The following PAWR variants were observed in gnomAD, a reference collection of about 807,000 sequenced individuals.
The protein encoded by PAWR is PRKC apoptosis WT1 regulator protein.
PAWR carries 23 observed loss-of-function variants against 32.0 expected under a neutral mutation model. That is an observed-to-expected ratio of 0.72 (90% confidence interval 0.52 to 1.02). The LOEUF (loss-of-function observed/expected upper bound fraction) is 1.02, where lower values mean the gene tolerates loss of function less well. Ranked by LOEUF, PAWR falls within the 50% of genes least tolerant of loss-of-function variation. The probability of loss-of-function intolerance (pLI) is 0.00; values close to 1 mark genes in which losing one functional copy is unlikely to be tolerated. For synonymous variants in PAWR, 226 were observed against 187.1 expected (o/e 1.21, Z -1.70); for missense variants, 457 against 437.7 (o/e 1.04, Z -0.39).
chr12:79,690,047 G>A lies in PAWR; in HGVS notation c.198C>T (p.Ala66=). 7.4e-7 allele frequency: 1 copy of A among 1,357,528 alleles called. No individual in the cohort carries two copies. Among genetic ancestry groups the A allele is most frequent in the South Asian group, 1.8e-5 (1 of 54,628 alleles). 84.1% of individuals were successfully genotyped at this position (1,357,528 alleles called of 1,614,324 possible). A position where few individuals can be genotyped will look rare whatever the true frequency, so the allele number is the denominator to read the frequency against. Residue 66 remains alanine, a synonymous_variant, in exon 2 of 7, where the codon GCC becomes GCT. Coordinates refer to ENST00000328827, the MANE Select transcript of PAWR (RefSeq NM_002583.4). ...CCGGGAGGTTGTTGTTGAGCTCGTTGGCAGCGGCGGCCGCCGGGGTGCCCA... is the reference window on the plus strand; with the variant it reads ...CCGGGAGGTTGTTGTTGAGCTCGTTAGCAGCGGCGGCCGCCGGGGTGCCCA... ...GALGTPAAAA[A]NELNNNLPGG... is the part of the protein sequence containing the mutation.
chr12:79,646,142 T>C (rs1031269832), intron 2 of PAWR, among the ~76,000 whole-genome samples: 1 of 152,106 alleles, frequency 6.6e-6, no homozygotes, highest in African/African-American at 2.4e-5. Flanking sequence ...TCCAAAATCT[T>C]AAATGCTTCA....
At chr12:79,666,366 T>C (rs1199365343) in intron 2 of PAWR, among the ~76,000 whole-genome samples, 2 of 152,156 alleles carry the variant, frequency 1.3e-5, no homozygotes, top group Non-Finnish European at 2.9e-5. Context: ...TTCCAGGTAA[T>C]AAATTACAAA....
intron 2 of PAWR, among the ~76,000 whole-genome samples, chr12:79,670,407 A>G (rs1877833362): frequency 6.6e-6 from 1 of 152,164 alleles, no homozygotes; most frequent in South Asian, 2.1e-4. Context: ...AGAGCAATAT[A>G]CTTTACCAGG....
intron 4 of PAWR, among the ~76,000 whole-genome samples, chr12:79,609,003 A>C (rs1874319496): frequency 6.6e-6 from 1 of 152,136 alleles, no homozygotes; most frequent in African/African-American, 2.4e-5. Context: ...CAGGAGGTAA[A>C]GGATACAATG....
intron 2 of PAWR, among the ~76,000 whole-genome samples, chr12:79,651,124 G>A (rs1285509629): frequency 6.6e-6 from 1 of 152,182 alleles, no homozygotes; most frequent in African/African-American, 2.4e-5. Flanking sequence ...GGGTGCTGGA[G>A]TAAATGGCCT....
chr12:79,676,733 C>T (rs1035203822), intron 2 of PAWR, among the ~76,000 whole-genome samples: 2 of 151,752 alleles, frequency 1.3e-5, no homozygotes, highest in African/African-American at 4.8e-5. Flanking sequence ...GTTTCACTTA[C>T]TATTTCCTAA....
At chr12:79,623,828 T>C (rs968773927) in intron 2 of PAWR, among the ~76,000 whole-genome samples, 2 of 152,126 alleles carry the variant, frequency 1.3e-5, no homozygotes, top group South Asian at 2.1e-4. Context: ...AAAAGAGGTA[T>C]GACCAAACAC....
intron 2 of PAWR, among the ~76,000 whole-genome samples, chr12:79,645,036 C>CCA (rs60664351): frequency 0.065 from 7,785 of 119,876 alleles, 228 homozygotes; most frequent in South Asian, 0.072. Context: ...TCCACCCCCA[C>CCA]CACACACACA....
chr12:79,659,273 G>A (rs945021504), intron 2 of PAWR, among the ~76,000 whole-genome samples: 11 of 151,342 alleles, frequency 7.3e-5, no homozygotes, highest in Admixed American at 6.6e-4. Context: ...CAGCCTGGGC[G>A]ACAGAGTGAG....
chr12:79,594,192 A>G, intron 6 of PAWR, 137 bp downstream of exon 6: 1 of 531,444 alleles, frequency 1.9e-6, no homozygotes, highest in South Asian at 2.7e-5. Flanking sequence ...GAAGAAAATG[A>G]TACCTCTTAC....
intron 2 of PAWR, among the ~76,000 whole-genome samples, chr12:79,638,301 T>C (rs1876065303): frequency 6.6e-6 from 1 of 152,170 alleles, no homozygotes; most frequent in African/African-American, 2.4e-5. Context: ...CTTTATATAT[T>C]TATGTATCTT....
chr12:79,649,418 A>G (rs547062220), intron 2 of PAWR, among the ~76,000 whole-genome samples: 137 of 152,222 alleles, frequency 9.0e-4, no homozygotes, highest in African/African-American at 3.1e-3. Flanking sequence ...TATATATAAC[A>G]TACAATACAT....
At chr12:79,617,195 TACA>T (rs1874780355) in intron 3 of PAWR, among the ~76,000 whole-genome samples, 2 of 152,024 alleles carry the variant, frequency 1.3e-5, no homozygotes, top group South Asian at 4.2e-4. Flanking sequence ...CTACTAAAAA[TACA>T]ACAATTAGCT....
At chr12:79,637,541 T>TAAAAAAA (rs112508716) in intron 2 of PAWR, among the ~76,000 whole-genome samples, 1 of 132,858 alleles carries the variant, frequency 7.5e-6, no homozygotes, top group Non-Finnish European at 1.6e-5. Flanking sequence ...CATTGAACAT[T>TAAAAAAA]AAAAAAAAAA....
At chr12:79,621,503 G>A (rs1482614544) in intron 2 of PAWR, among the ~76,000 whole-genome samples, 1 of 151,978 alleles carries the variant, frequency 6.6e-6, no homozygotes, top group Non-Finnish European at 1.5e-5. Context: ...CATTCAATAA[G>A]TAAACTACGT....
At chr12:79,631,583 C>A (rs940167643) in intron 2 of PAWR, among the ~76,000 whole-genome samples, 1 of 152,010 alleles carries the variant, frequency 6.6e-6, no homozygotes, top group African/African-American at 2.4e-5. Context: ...ACAAAAAACA[C>A]ACTATACCCT....
In PAWR at chr12:79,621,105, G is replaced by C. The variant is rs1431929582; in HGVS notation, c.619C>G (p.Leu207Val). 11 of 1,607,508 alleles carry C rather than the reference G, an allele frequency of 6.8e-6. No homozygotes were observed. The highest frequency in any genetic ancestry group is 9.3e-6 in the Non-Finnish European group (11 of 1,176,792). The change falls in exon 3 of 7, where the codon CTA (leucine) becomes GTA (valine). Residue 207 changes from leucine (L) to valine (V), a missense_variant. Leu to Val is a conservative substitution (Grantham distance 32). Coordinates refer to ENST00000328827, the MANE Select transcript of PAWR (RefSeq NM_002583.4). ...NTIQNEAVNL[L>V]DPGSSYLLQE... Reference sequence around the variant, plus strand: ...AGCAGATAGGAACTGCCTGGATCTAGTAAGTTTACAGCTTCATTCTGAATA... The same window carrying C: ...AGCAGATAGGAACTGCCTGGATCTACTAAGTTTACAGCTTCATTCTGAATA...
intron 2 of PAWR, among the ~76,000 whole-genome samples, chr12:79,680,833 T>C (rs1045382932): frequency 3.3e-5 from 5 of 151,718 alleles, no homozygotes; most frequent in African/African-American, 7.3e-5. Flanking sequence ...AAGAAAAAAA[T>C]AGACCAGGTG....
chr12:79,594,436 G>A lies in PAWR; in HGVS notation c.832-3C>T. 3 of 1,360,484 alleles carry A rather than the reference G, an allele frequency of 2.2e-6. No homozygotes were observed. Among genetic ancestry groups the A allele is most frequent in the Admixed American group, 1.9e-5 (1 of 53,158 alleles). The allele number at this position is 1,360,484 out of a possible 1,614,324, so 84.3% of individuals were successfully genotyped here. A position where few individuals can be genotyped will look rare whatever the true frequency, so the allele number is the denominator to read the frequency against. On this transcript the variant is annotated splice_polypyrimidine_tract_variant and splice_region_variant and intron_variant, in intron 5 of 6. Coordinates refer to ENST00000328827, the MANE Select transcript of PAWR (RefSeq NM_002583.4). ...TCTTGTCTTTCTCTTACTACTTCCTGGTAGATACAATTAAAAACCAGTAAT... is the reference window on the plus strand; with the variant it reads ...TCTTGTCTTTCTCTTACTACTTCCTAGTAGATACAATTAAAAACCAGTAAT...
Sources: gnomAD v4.1 joint callset for allele counts (sites outside exome capture counted in the v4.1 genomes callset) on GRCh38, gnomAD v4.1.1 for gene constraint, MANE v1.5 for transcripts, NCBI Gene and HGNC (gene_info 2026-07-23, HGNC 2026-07-21) for gene names.